Variants in LINGO2 observed in about 807,000 individuals in gnomAD.
LINGO2 encodes leucine-rich repeat and immunoglobulin-like domain-containing nogo receptor-interacting protein 2.
Under a neutral mutation model 30.6 loss-of-function variants are expected in LINGO2, and 14 were observed. The observed-to-expected ratio is 0.46, with a 90% CI of 0.30 to 0.72. The LOEUF (loss-of-function observed/expected upper bound fraction) is 0.72. LINGO2 is among the 30% of genes least tolerant of loss of function. The pLI, the probability that LINGO2 is intolerant of heterozygous loss-of-function variation, is 0.07. For synonymous variants in LINGO2, 317 were observed against 288.5 expected (o/e 1.10, Z -1.00); for missense variants, 729 against 751.7 (o/e 0.97, Z 0.35).
the LINGO2 span, among the ~76,000 whole-genome samples, chr9:29,040,909 C>T: frequency 6.6e-6 from 1 of 152,000 alleles, no homozygotes; most frequent in African/African-American, 2.4e-5. Context: ...CATATAACTT[C>T]TATGCACTGA....
At chr9:28,659,678 G>A (rs960780044) in intron 1 of LINGO2, among the ~76,000 whole-genome samples, 3 of 151,910 alleles carry the variant, frequency 2.0e-5, no homozygotes, top group Admixed American at 6.6e-5. Context: ...TAAACTCCTG[G>A]GCTCAAGCAA....
intron 4 of LINGO2, among the ~76,000 whole-genome samples, chr9:28,179,060 G>T (rs539471657): frequency 6.6e-6 from 1 of 151,820 alleles, no homozygotes; most frequent in Non-Finnish European, 1.5e-5. Flanking sequence ...GAATTGAACC[G>T]CAGCATGGAG....
chr9:28,990,073 G>C, the LINGO2 span, among the ~76,000 whole-genome samples: 1 of 152,238 alleles, frequency 6.6e-6, no homozygotes, highest in Admixed American at 6.5e-5. Flanking sequence ...CCATGCGTGA[G>C]CCGAAGCAGG....
chr9:28,162,796 TAACTTG>T (rs1828322745), intron 4 of LINGO2, among the ~76,000 whole-genome samples: 1 of 152,152 alleles, frequency 6.6e-6, no homozygotes, highest in Admixed American at 6.6e-5. Flanking sequence ...ACATGGGACT[TAACTTG>T]GACATGATTG....
the LINGO2 span, among the ~76,000 whole-genome samples, chr9:29,149,045 G>T: frequency 1.3e-5 from 2 of 152,040 alleles, no homozygotes; most frequent in African/African-American, 2.4e-5. Flanking sequence ...CACAGAGGAG[G>T]ATCCTAATTC....
At chr9:28,398,046 A>T (rs1407059667) in intron 2 of LINGO2, among the ~76,000 whole-genome samples, 1 of 152,214 alleles carries the variant, frequency 6.6e-6, no homozygotes, top group Non-Finnish European at 1.5e-5. Context: ...GTTGGAGTTA[A>T]ATTTGCATGT....
At chr9:28,105,969 A>C (rs1280580248) in intron 4 of LINGO2, among the ~76,000 whole-genome samples, 1 of 152,108 alleles carries the variant, frequency 6.6e-6, no homozygotes, top group Non-Finnish European at 1.5e-5. Flanking sequence ...CACAGTAGGA[A>C]GTGAGGGCTG....
chr9:28,297,205 A>T (rs987665740), intron 3 of LINGO2, among the ~76,000 whole-genome samples: 3 of 152,228 alleles, frequency 2.0e-5, no homozygotes, highest in Non-Finnish European at 2.9e-5. Flanking sequence ...TTATAAAAAA[A>T]GTGAAAATAA....
chr9:28,959,612 TCA>T, the LINGO2 span, among the ~76,000 whole-genome samples: 30 of 132,206 alleles, frequency 2.3e-4, no homozygotes, highest in South Asian at 1.2e-3. Flanking sequence ...TCTCTCTCCC[TCA>T]CACACACACA....
chr9:28,849,682 C>T, the LINGO2 span, among the ~76,000 whole-genome samples: 1 of 151,868 alleles, frequency 6.6e-6, no homozygotes, highest in Non-Finnish European at 1.5e-5. Flanking sequence ...CACAAGCTAC[C>T]GAGCTTTGCA....
Position 27,982,558 on chromosome 9 carries a change from C to T in LINGO2, c.-36+29797G>A, listed in dbSNP as rs188191801. ...AATAACCATATATGGTAGGTTACAT[C>T]CTCATCCCTTTTTGTGAATGGGAAA... On this transcript the variant is annotated intron_variant, in intron 5 of 5. Transcript: ENST00000379992. Among the ~76,000 whole-genome samples, 40 of 151,920 alleles carry T rather than the reference C, an allele frequency of 2.6e-4. No homozygotes were observed. In the East Asian group the frequency reaches 7.6e-3, roughly 29 times the overall value.
At chr9:28,144,466 T>A (rs1827758897) in intron 4 of LINGO2, among the ~76,000 whole-genome samples, 1 of 152,232 alleles carries the variant, frequency 6.6e-6, no homozygotes, top group African/African-American at 2.4e-5. Flanking sequence ...ATATAAGATT[T>A]CTTGAATGTA....
chr9:28,603,941 A>C (rs1267439122), intron 1 of LINGO2, among the ~76,000 whole-genome samples: 1 of 151,988 alleles, frequency 6.6e-6, no homozygotes, highest in Non-Finnish European at 1.5e-5. Context: ...GGTTTTGATA[A>C]ACATTGTTTC....
At chr9:28,810,580 G>A in the LINGO2 span, among the ~76,000 whole-genome samples, 1 of 151,992 alleles carries the variant, frequency 6.6e-6, no homozygotes, top group African/African-American at 2.4e-5. Flanking sequence ...TTTATCCTGG[G>A]CATAAAAGCA....
At chr9:27,964,125 A>G (rs1819983460) in intron 5 of LINGO2, among the ~76,000 whole-genome samples, 1 of 152,042 alleles carries the variant, frequency 6.6e-6, no homozygotes, top group Admixed American at 6.6e-5. Context: ...CTACTTATTT[A>G]TGGTAAGGAA....
the LINGO2 span, among the ~76,000 whole-genome samples, chr9:28,795,453 A>G: frequency 1.3e-5 from 2 of 152,110 alleles, no homozygotes; most frequent in Non-Finnish European, 2.9e-5. Context: ...TAATTATTAC[A>G]TGCCTGAAGG....
chr9:28,792,616 C>T, the LINGO2 span, among the ~76,000 whole-genome samples: 1 of 152,156 alleles, frequency 6.6e-6, no homozygotes, highest in Admixed American at 6.5e-5. Context: ...CAGCAAATTT[C>T]CCTATCATGA....
intron 3 of LINGO2, among the ~76,000 whole-genome samples, chr9:28,311,478 C>T (rs1824616943): frequency 1.3e-5 from 2 of 152,128 alleles, no homozygotes; most frequent in Admixed American, 6.6e-5. Context: ...CAGCTTCAAC[C>T]ATAAAAGATG....
chr9:28,503,590 A>G (rs2135325818), intron 1 of LINGO2, among the ~76,000 whole-genome samples: 1 of 152,162 alleles, frequency 6.6e-6, no homozygotes, highest in South Asian at 2.1e-4. Flanking sequence ...ATTGTTATTT[A>G]GAAAACTTCA....
Sources: allele counts gnomAD v4.1 joint callset (sites outside exome capture counted in the v4.1 genomes callset), GRCh38; gene constraint gnomAD v4.1.1; transcripts MANE v1.5; gene names NCBI Gene and HGNC (gene_info 2026-07-23, HGNC 2026-07-21).